Variants in CDC34 observed in about 807,000 individuals in gnomAD.
CDC34 encodes the protein ubiquitin-conjugating enzyme E2 R1.
A neutral mutation model predicts 26.8 loss-of-function variants in CDC34; 18 were observed. The ratio of observed to expected loss-of-function variants is 0.67; its 90% CI spans 0.47 to 1.00. The LOEUF (loss-of-function observed/expected upper bound fraction) is 1.00. CDC34 is among the 50% of genes least tolerant of loss of function. The pLI, the probability that CDC34 is intolerant of heterozygous loss-of-function variation, is 0.00. For missense variants in CDC34, 280 were observed against 334.5 expected, an observed-to-expected ratio of 0.84 and a Z score of 1.27; for synonymous variants, 178 against 147.5, an observed-to-expected ratio of 1.21 and a Z score of -1.50.
In CDC34 at chr19:536,244, C is replaced by A; in HGVS notation, c.266C>A (p.Thr89Lys). 6.2e-7 allele frequency: 1 copy of A among 1,602,850 alleles called. No individual in the cohort carries two copies. Among genetic ancestry groups the A allele is most frequent in the Non-Finnish European group, 8.5e-7 (1 of 1,175,226 alleles). The change falls in exon 3 of 5, where the codon ACG becomes AAG. Residue 89 changes from threonine to lysine, a missense_variant and splice_region_variant. Thr to Lys is a moderately conservative substitution (Grantham distance 78, BLOSUM62 -1). Coordinates refer to ENST00000215574, the MANE Select transcript of CDC34 (RefSeq NM_004359.2). ...TKMWHPNIYE[T>K]GDVCISILHP... ...CTGACCTGTCTTCTTCTTGTGCAGA[C>A]GGGGGACGTGTGTATCTCCATCCTC...
rs965431775 is a variant in CDC34 at position 532,233 on chromosome 19, C to T, written c.177+125C>T. 1.7e-5 allele frequency: 12 copies of T among 692,792 alleles called. No homozygotes were observed. The Admixed American group carries it at 3.8e-4, about 22-fold the overall frequency. 42.9% of individuals were successfully genotyped at this position (692,792 alleles called of 1,614,324 possible). ...GGGCCCCGAAGCCTCCTGGCTTGGGCTCGTTTCCCTTCTATGGCCACGTTC... is the reference window on the plus strand; with the variant it reads ...GGGCCCCGAAGCCTCCTGGCTTGGGTTCGTTTCCCTTCTATGGCCACGTTC... On this transcript the variant is annotated intron_variant, in intron 1 of 4. Coordinates refer to ENST00000215574, the MANE Select transcript of CDC34 (RefSeq NM_004359.2).
At chr19:536,743 A>AG in intron 3 of CDC34, 1 of 555,444 alleles carries the variant, frequency 1.8e-6, no homozygotes, top group Non-Finnish European at 3.2e-6. Context: ...AGTGTAGTCT[A>AG]GGCAGGACGT....
chr19:533,331 C>T (rs1054793343), intron 1 of CDC34, among the ~76,000 whole-genome samples: 1 of 152,210 alleles, frequency 6.6e-6, no homozygotes, highest in Non-Finnish European at 1.5e-5. Flanking sequence ...GGCCGAGGGA[C>T]CGATGCCTCC....
chr19:536,497 G>GT, intron 3 of CDC34, 157 bp downstream of exon 3: 1 of 618,048 alleles, frequency 1.6e-6, no homozygotes, highest in East Asian at 2.8e-5. Context: ...GGGCCTCGCT[G>GT]TACCTGCACG....
intron 4 of CDC34, among the ~76,000 whole-genome samples, chr19:537,972 T>C (rs1221779459): frequency 6.6e-6 from 1 of 152,238 alleles, no homozygotes; most frequent in African/African-American, 2.4e-5. Context: ...GTTAGTGTTT[T>C]CATAGATTCT....
chr19:537,015 C>T lies in CDC34; in HGVS notation c.365C>T (p.Thr122Ile). Residue 122 changes from threonine to isoleucine, a missense_variant and splice_region_variant, in exon 4 of 5, where the codon ACC becomes ATC. Physicochemically the swap from Thr to Ile is moderately conservative, Grantham distance 89. Transcript: ENST00000215574. ...ERWNPTQNVR[T>I]ILLSVISLLN... The stretch of plus-strand genomic sequence containing the variant: ...ACTCCGACCCACTCTCCCCACAGGA[C>T]CATTCTCCTGAGTGTGATCTCCCTC... The T allele has an allele frequency of 6.2e-7, 1 of 1,613,636 alleles. No homozygotes were observed.
At chr19:538,477 C>T (rs959768576) in intron 4 of CDC34, among the ~76,000 whole-genome samples, 4 of 152,020 alleles carry the variant, frequency 2.6e-5, no homozygotes, top group Admixed American at 2.0e-4. Context: ...GCTTTCTTTA[C>T]GGGTTGACGG....
intron 4 of CDC34, among the ~76,000 whole-genome samples, chr19:538,472 C>T (rs1979862461): frequency 6.6e-6 from 1 of 152,098 alleles, no homozygotes; most frequent in South Asian, 2.1e-4. Flanking sequence ...ACAAGGCTTT[C>T]TTTACGGGTT....
chr19:537,641 C>T (rs1240144806), intron 4 of CDC34, among the ~76,000 whole-genome samples: 24 of 125,230 alleles, frequency 1.9e-4, no homozygotes, highest in African/African-American at 4.9e-4. Flanking sequence ...CGTGAGCCAC[C>T]GCGGCCGGCC....
In CDC34 at chr19:541,530, A is replaced by G; in HGVS notation, c.689A>G (p.Asp230Gly). The change falls in exon 5 of 5, where the codon GAC becomes GGC. Residue 230 changes from aspartate to glycine, a missense_variant. By Grantham distance (94) the Asp-to-Gly change is moderately conservative. Transcript: ENST00000215574. The part of the protein sequence containing the change: ...ADSCFGDDED[D>G]SGTEES Reference sequence around the variant, plus strand: ...AGCTGCTTCGGGGACGATGAGGATGACTCTGGCACGGAGGAGTCCTGACAC... The same window carrying G: ...AGCTGCTTCGGGGACGATGAGGATGGCTCTGGCACGGAGGAGTCCTGACAC... The G allele has an allele frequency of 1.9e-6, 3 of 1,600,024 alleles. No homozygotes were observed. The highest frequency in any genetic ancestry group is 2.6e-6 in the Non-Finnish European group (3 of 1,171,750).
At chr19:539,716 C>T (rs1241868950) in intron 4 of CDC34, among the ~76,000 whole-genome samples, 1 of 152,214 alleles carries the variant, frequency 6.6e-6, no homozygotes, top group Non-Finnish European at 1.5e-5. Flanking sequence ...CGGCTGCAGC[C>T]TCGTTCCTGT....
intron 1 of CDC34, among the ~76,000 whole-genome samples, chr19:532,667 T>TC (rs1047812543): frequency 3.3e-5 from 5 of 152,168 alleles, no homozygotes; most frequent in African/African-American, 1.2e-4. Context: ...TCGCTCAGTC[T>TC]CCAACAAAGG....
intron 4 of CDC34, chr19:538,866 G>T (rs998730860): frequency 1.0e-6 from 1 of 985,196 alleles, no homozygotes; most frequent in South Asian, 4.7e-5. Context: ...CAGGGTAGCT[G>T]CCCTGGCCGT....
At chr19:536,077 CT>C (rs767751605) in intron 2 of CDC34, among the ~76,000 whole-genome samples, 154 bp downstream of exon 2, 459 of 123,710 alleles carry the variant, frequency 3.7e-3, no homozygotes, top group South Asian at 7.0e-3. Flanking sequence ...CGTCCTCGTC[CT>C]TCCGGGACCC....
In CDC34 at chr19:536,355, C is replaced by T. The variant is rs781121905; in HGVS notation, c.362+15C>T. ...CAGAACGTCAGGTAAGCCGGCCCAA[C>T]CCCCTGTGTCCACCCAGAACATCAG... On this transcript the variant is annotated intron_variant, in intron 3 of 4. Coordinates refer to ENST00000215574, the MANE Select transcript of CDC34 (RefSeq NM_004359.2). 13 of 1,588,758 alleles carry T rather than the reference C, an allele frequency of 8.2e-6. No individual in the cohort carries two copies. The highest frequency in any genetic ancestry group is 1.0e-5 in the Non-Finnish European group (12 of 1,161,934).
intron 4 of CDC34, chr19:538,880 T>C: frequency 1.0e-6 from 1 of 985,148 alleles, no homozygotes; most frequent in Non-Finnish European, 1.2e-6. Context: ...TGGCCGTCCC[T>C]CTGGTGCAGA....
intron 1 of CDC34, among the ~76,000 whole-genome samples, chr19:535,614 G>A (rs538758995): frequency 1.2e-4 from 18 of 152,364 alleles, no homozygotes; most frequent in African/African-American, 4.3e-4. Context: ...CCTGGACTGT[G>A]TAGGAGCTGG....
chr19:533,844 G>T (rs755516208), intron 1 of CDC34, among the ~76,000 whole-genome samples: 1 of 152,202 alleles, frequency 6.6e-6, no homozygotes, highest in Non-Finnish European at 1.5e-5. Flanking sequence ...CTCCCTTCCC[G>T]CTGTGCCTGG....
rs773623358 is a variant in CDC34, at chr19:537,651, C to CTTTTTT, written c.497+520_497+525dup. On this transcript the variant is annotated intron_variant, in intron 4 of 4. Transcript: ENST00000215574. ...ACAGGCGTGAGCCACCGCGGCCGGCCTTTTTTTTTTTTTTTTTTTTTGGAG... is the reference window on the plus strand; with the variant it reads ...ACAGGCGTGAGCCACCGCGGCCGGCCTTTTTTTTTTTTTTTTTTTTTTTTTTTGGAG... Among the ~76,000 whole-genome samples the CTTTTTT allele has an allele frequency of 1.3e-3, 88 of 67,086 alleles. 14 individuals are homozygous for CTTTTTT. Among genetic ancestry groups the CTTTTTT allele is most frequent in the East Asian group, 5.1e-3 (9 of 1,752 alleles). The allele number at this position is 67,086 out of a possible 152,430, so 44.0% of individuals were successfully genotyped here.
Sources: allele counts gnomAD v4.1 joint callset (sites outside exome capture counted in the v4.1 genomes callset), GRCh38; gene constraint gnomAD v4.1.1; transcripts MANE v1.5; gene names NCBI Gene and HGNC (gene_info 2026-07-23, HGNC 2026-07-21).